Variants in ITGA9 observed in about 807,000 individuals in gnomAD.
The protein encoded by ITGA9 is integrin alpha-9.
A neutral mutation model predicts 127.8 loss-of-function variants in ITGA9; 56 were observed. The ratio of observed to expected loss-of-function variants is 0.44; its 90% CI spans 0.35 to 0.55. The LOEUF (loss-of-function observed/expected upper bound fraction) is 0.55, where lower values mean the gene tolerates loss of function less well. Ranked by LOEUF, ITGA9 falls within the 20% of genes least tolerant of loss-of-function variation. The pLI, the probability that ITGA9 is intolerant of heterozygous loss-of-function variation, is 0.00. For synonymous variants in ITGA9, 508 were observed against 514.5 expected, an observed-to-expected ratio of 0.99 and a Z score of 0.17; for missense variants, 1,196 against 1,347.1, an observed-to-expected ratio of 0.89 and a Z score of 1.76.
intron 18 of ITGA9, among the ~76,000 whole-genome samples, chr3:37,728,574 G>T (rs1696245655): frequency 6.6e-6 from 1 of 152,206 alleles, no homozygotes; most frequent in Non-Finnish European, 1.5e-5. Flanking sequence ...TGCCTTGAAT[G>T]AAGTGCTCCC....
intron 16 of ITGA9, among the ~76,000 whole-genome samples, chr3:37,643,608 G>A (rs1376697092): frequency 1.3e-5 from 2 of 152,206 alleles, no homozygotes; most frequent in African/African-American, 4.8e-5. Flanking sequence ...GTTTTCTTCT[G>A]TATTATCCTG....
At chr3:37,545,366 A>G (rs1181511592) in intron 15 of ITGA9, among the ~76,000 whole-genome samples, 1 of 151,872 alleles carries the variant, frequency 6.6e-6, no homozygotes, top group South Asian at 2.1e-4. Context: ...GCCTATTCCA[A>G]TCTTTTTTTT....
At chr3:37,509,590 G>C (rs1276897603) in intron 8 of ITGA9, among the ~76,000 whole-genome samples, 1 of 152,090 alleles carries the variant, frequency 6.6e-6, no homozygotes, top group Non-Finnish European at 1.5e-5. Flanking sequence ...CATTCAAGTA[G>C]ACCTTTTTGC....
intron 20 of ITGA9, among the ~76,000 whole-genome samples, chr3:37,737,397 C>T (rs1470365585): frequency 6.6e-6 from 1 of 152,194 alleles, no homozygotes; most frequent in Admixed American, 6.5e-5. Context: ...ATGGAGTGGG[C>T]AGGTCACCTG....
At chr3:37,695,908 CTTCT>C (rs370337582) in intron 18 of ITGA9, among the ~76,000 whole-genome samples, 8 of 152,208 alleles carry the variant, frequency 5.3e-5, no homozygotes, top group African/African-American at 1.9e-4. Flanking sequence ...AACCCCATTC[CTTCT>C]GTCTTTCCTC....
chr3:37,473,987 T>C (rs1698464370), intron 3 of ITGA9, among the ~76,000 whole-genome samples: 1 of 152,274 alleles, frequency 6.6e-6, no homozygotes, highest in South Asian at 2.1e-4. Context: ...TGTGCTCTTT[T>C]ATATAAGACT....
At chr3:37,784,832 T>G (rs1460490926) in intron 25 of ITGA9, 145 bp from the exon 26 acceptor site, 5 of 692,380 alleles carry the variant, frequency 7.2e-6, no homozygotes, top group Non-Finnish European at 1.3e-5. Flanking sequence ...TGTGGGTGCC[T>G]GGGATGGAGA....
rs1697521256 is a variant in ITGA9 at position 37,822,064 on chromosome 3, G to A, written c.*3075G>A. ...GCTCTCAGGGGAAGCAGATGGGGTG[G>A]ATCAGTACATCTGTGTTACCCTTCC... is the stretch of plus-strand genomic sequence containing the variant. On this transcript the variant is annotated 3_prime_UTR_variant, in exon 28 of 28. Transcript: ENST00000264741. 2 of 152,036 alleles carry A rather than the reference G, an allele frequency of 1.3e-5. No individual in the cohort carries two copies. The allele number at this position is 152,036 out of a possible 1,614,324, so 9.4% of individuals were successfully genotyped here.
intron 26 of ITGA9, among the ~76,000 whole-genome samples, chr3:37,800,542 T>C (rs932197844): frequency 6.6e-6 from 1 of 152,208 alleles, no homozygotes; most frequent in Non-Finnish European, 1.5e-5. Context: ...CCACAGCTTT[T>C]TAAGGGCAGG....
intron 1 of ITGA9, among the ~76,000 whole-genome samples, chr3:37,455,035 A>G (rs1268234291): frequency 6.6e-6 from 1 of 152,098 alleles, no homozygotes; most frequent in Non-Finnish European, 1.5e-5. Flanking sequence ...CTTGTCCCCA[A>G]TTTTATAATT....
chr3:37,682,874 C>A (rs1700747044), intron 17 of ITGA9, among the ~76,000 whole-genome samples: 1 of 152,214 alleles, frequency 6.6e-6, no homozygotes, highest in Non-Finnish European at 1.5e-5. Flanking sequence ...GCTGCCATCA[C>A]CCTGGCCTTC....
chr3:37,568,679 C>T (rs904016051), intron 15 of ITGA9, among the ~76,000 whole-genome samples: 4 of 152,210 alleles, frequency 2.6e-5, no homozygotes, highest in Non-Finnish European at 4.4e-5. Flanking sequence ...ACCTCTAGAG[C>T]AGGGGCAAAA....
intron 8 of ITGA9, among the ~76,000 whole-genome samples, chr3:37,513,256 A>G (rs1393859733): frequency 1.3e-5 from 2 of 151,966 alleles, no homozygotes; most frequent in Non-Finnish European, 2.9e-5. Context: ...GCATCAATCT[A>G]TTTATCTTCC....
At chr3:37,803,980 C>T (rs752034852) in intron 27 of ITGA9, 38 bp downstream of exon 27, 5 of 1,613,754 alleles carry the variant, frequency 3.1e-6, no homozygotes, top group Non-Finnish European at 4.2e-6. Context: ...GGGGTCCCCA[C>T]TCATAGATGC....
intron 23 of ITGA9, among the ~76,000 whole-genome samples, chr3:37,758,329 C>CAAAAGAA (rs1696680395): frequency 1.5e-5 from 1 of 65,976 alleles, no homozygotes; most frequent in Non-Finnish European, 2.5e-5. Context: ...GACTCCGTCT[C>CAAAAGAA]AAAAAAAAAA....
chr3:37,614,573 G>A (rs1302283810), intron 15 of ITGA9, among the ~76,000 whole-genome samples: 10 of 151,220 alleles, frequency 6.6e-5, no homozygotes, highest in South Asian at 2.1e-4. Context: ...CCATTTTCAC[G>A]ATATTGATTC....
chr3:37,624,213 T>C (rs2125632902), intron 15 of ITGA9, among the ~76,000 whole-genome samples: 1 of 145,930 alleles, frequency 6.9e-6, no homozygotes, highest in East Asian at 2.0e-4. Flanking sequence ...TTTTTTTTTT[T>C]TTTTTTTTTT....
chr3:37,599,712 A>G (rs1269245048), intron 15 of ITGA9, among the ~76,000 whole-genome samples: 2 of 152,236 alleles, frequency 1.3e-5, no homozygotes, highest in African/African-American at 2.4e-5. Flanking sequence ...ACCTTCGTCT[A>G]TAAAATGAAA....
Position 37,592,961 on chromosome 3 carries a change from C to T in ITGA9, c.1690-36226C>T, listed in dbSNP as rs145033058. ...GGTAGCTGTACTCCATAGCCTGAAA[C>T]CATAGCACCTGATGAAATTGGACCA... On this transcript the variant is annotated intron_variant, in intron 15 of 27. Transcript: ENST00000264741. Among the ~76,000 whole-genome samples the T allele has an allele frequency of 1.1e-3, 173 of 152,244 alleles. 2 individuals carry two copies. Among genetic ancestry groups the T allele is most frequent in the Non-Finnish European group, 1.0e-3 (70 of 68,022 alleles).
Sources: gnomAD v4.1 joint callset for allele counts (sites outside exome capture counted in the v4.1 genomes callset) on GRCh38, gnomAD v4.1.1 for gene constraint, MANE v1.5 for transcripts, NCBI Gene and HGNC (gene_info 2026-07-23, HGNC 2026-07-21) for gene names.